Variants in SCFD2 observed in about 807,000 individuals in gnomAD.
SCFD2 encodes sec1 family domain-containing protein 2.
SCFD2 carries 54 observed loss-of-function variants against 58.9 expected under a neutral mutation model. The ratio of observed to expected loss-of-function variants is 0.92; its 90% CI spans 0.74 to 1.15. SCFD2 has a LOEUF of 1.15. Among genes scored for constraint, SCFD2 ranks in the 50% most tolerant of loss-of-function variants. The probability of loss-of-function intolerance (pLI) is 0.00; values close to 1 mark genes in which losing one functional copy is unlikely to be tolerated. For synonymous variants in SCFD2, 321 were observed against 335.9 expected, an observed-to-expected ratio of 0.96 and a Z score of 0.49; for missense variants, 805 against 836.6, an observed-to-expected ratio of 0.96 and a Z score of 0.47.
At position 53,095,238 on chromosome 4, in the gene SCFD2, C is replaced by T. The variant is rs1331241639; in HGVS notation, c.1561+50095G>A. 3.3e-5 allele frequency among the ~76,000 whole-genome samples: 5 copies of T among 152,086 alleles called. No homozygotes were observed. The East Asian group carries it at 7.7e-4, about 23-fold the overall frequency. On this transcript the variant is annotated intron_variant, in intron 5 of 8. Transcript: ENST00000401642. Reference sequence around the variant, plus strand: ...CAATAGATGTGTTACATTCAGCATGCCCCAAAGTGAACTTATGTTCTTCCC... The same window carrying T: ...CAATAGATGTGTTACATTCAGCATGTCCCAAAGTGAACTTATGTTCTTCCC...
intron 5 of SCFD2, among the ~76,000 whole-genome samples, chr4:52,936,681 C>T (rs1720146401): frequency 2.6e-5 from 4 of 152,158 alleles, no homozygotes; most frequent in Admixed American, 2.6e-4. Context: ...TGCTCTTCTC[C>T]TTCAAAGCCT....
At chr4:53,238,029 T>C (rs1577879435) in intron 4 of SCFD2, among the ~76,000 whole-genome samples, 5 of 114,506 alleles carry the variant, frequency 4.4e-5, no homozygotes, top group African/African-American at 1.0e-4. Flanking sequence ...CCCTCCAAGA[T>C]GGGGTGGCTG....
intron 4 of SCFD2, among the ~76,000 whole-genome samples, chr4:53,196,295 G>A (rs191314256): frequency 2.0e-5 from 3 of 152,242 alleles, no homozygotes; most frequent in East Asian, 3.9e-4. Context: ...AAACATGATT[G>A]TCGAAATGCT....
chr4:52,889,401 G>A (rs1267138898), intron 7 of SCFD2, among the ~76,000 whole-genome samples: 1 of 152,134 alleles, frequency 6.6e-6, no homozygotes, highest in Non-Finnish European at 1.5e-5. Context: ...GGAGCAAAAC[G>A]CCAGAGGCCA....
chr4:53,231,690 A>G (rs1310940587), intron 4 of SCFD2, among the ~76,000 whole-genome samples: 2 of 152,140 alleles, frequency 1.3e-5, no homozygotes, highest in Non-Finnish European at 2.9e-5. Context: ...TGATAAATTC[A>G]TCATATTTAA....
chr4:53,298,633 G>C (rs907244106), intron 3 of SCFD2, among the ~76,000 whole-genome samples: 2 of 152,298 alleles, frequency 1.3e-5, no homozygotes, highest in Admixed American at 1.3e-4. Flanking sequence ...ATCTGAGAAA[G>C]GGCAGACTGC....
chr4:52,971,274 A>G (rs1425418272), intron 5 of SCFD2, among the ~76,000 whole-genome samples: 1 of 152,198 alleles, frequency 6.6e-6, no homozygotes, highest in African/African-American at 2.4e-5. Flanking sequence ...CTTGAAAAAA[A>G]ATTAGACAAA....
chr4:53,296,876 C>T (rs564690611), intron 3 of SCFD2, among the ~76,000 whole-genome samples: 69 of 152,144 alleles, frequency 4.5e-4, no homozygotes, highest in Admixed American at 4.0e-3. Context: ...TCTTTATTTC[C>T]GCCTTTATTT....
chr4:53,287,986 T>A (rs1731721980), intron 3 of SCFD2, among the ~76,000 whole-genome samples: 1 of 152,084 alleles, frequency 6.6e-6, no homozygotes, highest in Non-Finnish European at 1.5e-5. Flanking sequence ...ATGCCTGTAA[T>A]CCCACCACTT....
chr4:53,169,269 CA>C (rs1727106129), intron 4 of SCFD2, among the ~76,000 whole-genome samples: 1 of 152,018 alleles, frequency 6.6e-6, no homozygotes, highest in African/African-American at 2.4e-5. Context: ...GAGGCCGAGG[CA>C]AGAGAATCTC....
intron 3 of SCFD2, among the ~76,000 whole-genome samples, chr4:53,298,040 T>G (rs991501312): frequency 1.1e-4 from 17 of 152,136 alleles, no homozygotes; most frequent in African/African-American, 3.6e-4. Context: ...ACGGGTGATT[T>G]CTGCATTTCC....
intron 4 of SCFD2, among the ~76,000 whole-genome samples, chr4:53,263,195 C>A (rs1730878643): frequency 1.3e-5 from 2 of 152,030 alleles, no homozygotes; most frequent in Admixed American, 1.3e-4. Flanking sequence ...TGGACTTCAC[C>A]TTTCTCTGGC....
intron 7 of SCFD2, among the ~76,000 whole-genome samples, chr4:52,889,839 T>C (rs1305967341): frequency 6.6e-6 from 1 of 152,210 alleles, no homozygotes; most frequent in Non-Finnish European, 1.5e-5. Context: ...CTCTACCTTA[T>C]ACTTACTCAA....
intron 6 of SCFD2, among the ~76,000 whole-genome samples, chr4:52,915,549 T>C (rs1217416026): frequency 6.6e-6 from 1 of 152,216 alleles, no homozygotes; most frequent in African/African-American, 2.4e-5. Context: ...ACAATTTATT[T>C]GTAGATTTAA....
At chr4:52,921,590 G>T (rs762130099) in intron 5 of SCFD2, among the ~76,000 whole-genome samples, 3 of 152,082 alleles carry the variant, frequency 2.0e-5, no homozygotes, top group Non-Finnish European at 2.9e-5. Context: ...CACATCATCC[G>T]TATGAGGCAG....
rs570923429 is a variant in SCFD2, at chr4:53,082,827, C to T, written c.1561+62506G>A. 8.5e-5 allele frequency among the ~76,000 whole-genome samples: 13 copies of T among 152,262 alleles called. No homozygotes were observed. The South Asian group carries it at 2.5e-3, about 29-fold the overall frequency. ...CTTCAGACTCAAACTGGAACTTACA[C>T]CATTGACTTTCCTGGTTCTAGAGCC... On this transcript the variant is annotated intron_variant, in intron 5 of 8. Transcript: ENST00000401642.
At chr4:53,033,892 G>T (rs1722687061) in intron 5 of SCFD2, among the ~76,000 whole-genome samples, 1 of 152,094 alleles carries the variant, frequency 6.6e-6, no homozygotes, top group Admixed American at 6.5e-5. Context: ...GTACAAAGAG[G>T]AGCTGGTACC....
At chr4:53,055,235 C>A (rs1403225708) in intron 5 of SCFD2, among the ~76,000 whole-genome samples, 2 of 152,174 alleles carry the variant, frequency 1.3e-5, no homozygotes, top group Non-Finnish European at 2.9e-5. Context: ...AAAAGCGTAA[C>A]TTGCTAGGGT....
At chr4:53,133,876 C>T (rs1725863554) in intron 5 of SCFD2, among the ~76,000 whole-genome samples, 1 of 152,194 alleles carries the variant, frequency 6.6e-6, no homozygotes, top group African/African-American at 2.4e-5. Flanking sequence ...TCTTTAAGAA[C>T]ACTGCTTTCC....
Sources: gnomAD v4.1 joint callset for allele counts (sites outside exome capture counted in the v4.1 genomes callset) on GRCh38, gnomAD v4.1.1 for gene constraint, MANE v1.5 for transcripts, NCBI Gene and HGNC (gene_info 2026-07-23, HGNC 2026-07-21) for gene names.